TBC1D19: variants seen among roughly 807,000 people sequenced by gnomAD.
The protein encoded by TBC1D19 is TBC1 domain family member 19.
A neutral mutation model predicts 89.0 loss-of-function variants in TBC1D19; 60 were observed. The observed-to-expected ratio is 0.67, with a 90% confidence interval of 0.55 to 0.84. The LOEUF (loss-of-function observed/expected upper bound fraction) is 0.84, where lower values mean the gene tolerates loss of function less well. Among genes scored for constraint, TBC1D19 ranks in the 40% least tolerant of loss-of-function variants. The probability of loss-of-function intolerance (pLI) is 0.00; values close to 1 mark genes in which losing one functional copy is unlikely to be tolerated. For missense variants in TBC1D19, 500 were observed against 610.8 expected (o/e 0.82, Z 1.91); for synonymous variants, 189 against 199.7 (o/e 0.95, Z 0.45).
At chr4:26,671,815 G>A (rs1712335012) in intron 9 of TBC1D19, among the ~76,000 whole-genome samples, 1 of 151,658 alleles carries the variant, frequency 6.6e-6, no homozygotes, top group African/African-American at 2.4e-5. Context: ...TTTAACAAAG[G>A]GAAAATTCAT....
chr4:26,608,527 A>G (rs1741146290), intron 1 of TBC1D19, among the ~76,000 whole-genome samples: 1 of 152,170 alleles, frequency 6.6e-6, no homozygotes, highest in Non-Finnish European at 1.5e-5. Context: ...TTGATCCTCA[A>G]AAACTTGAAG....
intron 1 of TBC1D19, among the ~76,000 whole-genome samples, chr4:26,610,206 C>G (rs1018788948): frequency 5.9e-5 from 9 of 151,658 alleles, no homozygotes; most frequent in Non-Finnish European, 1.2e-4. Context: ...TTTTTTGAAA[C>G]TTTTTAACCC....
intron 4 of TBC1D19, 53 bp downstream of exon 4, chr4:26,620,741 A>G: frequency 1.3e-6 from 2 of 1,502,298 alleles, no homozygotes; most frequent in Non-Finnish European, 1.8e-6. Context: ...TATGTAATAC[A>G]GAGCAAAAGA....
At chr4:26,838,197 C>T in the TBC1D19 span, among the ~76,000 whole-genome samples, 22 of 152,230 alleles carry the variant, frequency 1.4e-4, no homozygotes, top group African/African-American at 5.1e-4. Flanking sequence ...ATGCAACTTC[C>T]GATACCACCT....
chr4:26,622,015 G>T (rs1314229762), intron 4 of TBC1D19, among the ~76,000 whole-genome samples: 1 of 151,874 alleles, frequency 6.6e-6, no homozygotes, highest in Non-Finnish European at 1.5e-5. Context: ...AACACCGCAT[G>T]TTCTCACTGA....
At chr4:26,752,260 T>A (rs943535849) in intron 19 of TBC1D19, among the ~76,000 whole-genome samples, 11 of 150,760 alleles carry the variant, frequency 7.3e-5, no homozygotes, top group African/African-American at 2.7e-4. Flanking sequence ...TTTTTTTTTT[T>A]TTGAGACGAG....
At chr4:26,696,044 A>G (rs548314898) in intron 13 of TBC1D19, among the ~76,000 whole-genome samples, 13 of 152,242 alleles carry the variant, frequency 8.5e-5, no homozygotes, top group Admixed American at 1.3e-4. Flanking sequence ...AAATGCTCCA[A>G]TTAAAAGACA....
intron 15 of TBC1D19, among the ~76,000 whole-genome samples, chr4:26,733,798 T>C (rs1008757636): frequency 6.6e-6 from 1 of 152,204 alleles, no homozygotes; most frequent in African/African-American, 2.4e-5. Flanking sequence ...GATAAAAATA[T>C]AACCCTTTCG....
intron 7 of TBC1D19, among the ~76,000 whole-genome samples, chr4:26,640,476 T>G (rs1053447349): frequency 1.3e-5 from 2 of 151,616 alleles, no homozygotes; most frequent in African/African-American, 4.9e-5. Flanking sequence ...AGTCTGCAGC[T>G]CCCAGCGTGA....
At chr4:26,583,686 A>G (rs190997512), upstream of TBC1D19, among the ~76,000 whole-genome samples, 4 of 152,296 alleles carry the variant, frequency 2.6e-5, no homozygotes, top group Non-Finnish European at 4.4e-5. Context: ...ACATCCTGCA[A>G]ACTGGGTGTT....
chr4:26,849,187 TACACACACACACAAACACAC>T, the TBC1D19 span, among the ~76,000 whole-genome samples: 22 of 104,640 alleles, frequency 2.1e-4, no homozygotes, highest in Middle Eastern at 5.6e-3. Context: ...AAATAAATGA[TACACACACACACAAACACAC>T]ACACACACAC....
At chr4:26,734,042 A>G (rs1222516581) in intron 15 of TBC1D19, among the ~76,000 whole-genome samples, 2 of 152,196 alleles carry the variant, frequency 1.3e-5, no homozygotes, top group East Asian at 3.9e-4. Context: ...GAGAGAGAGC[A>G]GTGTCTTCAA....
the TBC1D19 span, among the ~76,000 whole-genome samples, chr4:26,780,807 A>C: frequency 2.0e-5 from 3 of 152,192 alleles, no homozygotes; most frequent in Non-Finnish European, 4.4e-5. Flanking sequence ...TCATTGGCCT[A>C]GTAAAACTTC....
At chr4:26,804,449 G>T in the TBC1D19 span, among the ~76,000 whole-genome samples, 3 of 152,230 alleles carry the variant, frequency 2.0e-5, no homozygotes, top group South Asian at 6.2e-4. Context: ...GCGCTGCCCT[G>T]TCTGTGTTAT....
chr4:26,644,543 A>G (rs1401637406), intron 7 of TBC1D19, among the ~76,000 whole-genome samples: 3 of 152,214 alleles, frequency 2.0e-5, no homozygotes, highest in South Asian at 4.1e-4. Context: ...TACCACTCCT[A>G]TTCAACATAG....
intron 4 of TBC1D19, among the ~76,000 whole-genome samples, chr4:26,627,384 T>C (rs560843214): frequency 9.8e-5 from 15 of 152,354 alleles, no homozygotes; most frequent in Admixed American, 5.9e-4. Context: ...GCATGATTTA[T>C]AATCCTTTGG....
the TBC1D19 span, among the ~76,000 whole-genome samples, chr4:26,817,981 A>ATATATATATATATAT: frequency 1.6e-4 from 20 of 126,052 alleles, no homozygotes; most frequent in African/African-American, 7.0e-4. Flanking sequence ...AAAAAAAAAA[A>ATATATATATATATAT]ATATATATAT....
chr4:26,677,560 A>G (rs984158967), intron 11 of TBC1D19, among the ~76,000 whole-genome samples: 3 of 152,014 alleles, frequency 2.0e-5, no homozygotes, highest in Admixed American at 6.6e-5. Context: ...TGACCTCATG[A>G]TCCGCCTGCC....
intron 7 of TBC1D19, among the ~76,000 whole-genome samples, chr4:26,641,114 C>A (rs534314515): frequency 1.1e-4 from 16 of 152,282 alleles, no homozygotes; most frequent in African/African-American, 3.8e-4. Flanking sequence ...GGGTCCCTGA[C>A]CCCCGTGTAG....
Sources: allele counts gnomAD v4.1 joint callset (sites outside exome capture counted in the v4.1 genomes callset), GRCh38; gene constraint gnomAD v4.1.1; transcripts MANE v1.5; gene names NCBI Gene and HGNC (gene_info 2026-07-23, HGNC 2026-07-21).